UMAD1: variants seen among roughly 807,000 people sequenced by gnomAD.
UMAD1 encodes the protein UBAP1-MVB12-associated (UMA)-domain containing protein 1.
In UMAD1, 8 loss-of-function variants were observed where a neutral mutation model predicts 6.1. The ratio of observed to expected loss-of-function variants is 1.30; its 90% CI spans 0.76 to 2.35. The LOEUF is 2.35. Ranked by LOEUF, UMAD1 falls within the 30% of genes most tolerant of loss-of-function variation. The pLI is 0.00. For missense variants in UMAD1, 130 were observed against 78.4 expected (o/e 1.66, Z -2.49); for synonymous variants, 56 against 31.4 (o/e 1.78, Z -2.61).
At chr7:7,653,557 C>T (rs977559568) in intron 1 of UMAD1, among the ~76,000 whole-genome samples, 4 of 152,212 alleles carry the variant, frequency 2.6e-5, no homozygotes, top group African/African-American at 9.6e-5. Context: ...GCATCACGCA[C>T]TAGGTGATCA....
chr7:7,704,062 A>T (rs941987763), intron 2 of UMAD1, among the ~76,000 whole-genome samples: 1 of 152,192 alleles, frequency 6.6e-6, no homozygotes, highest in African/African-American at 2.4e-5. Context: ...GGAATCCCAG[A>T]CATCTTCCTT....
intron 2 of UMAD1, chr7:7,676,256 C>T (rs1053683461): frequency 2.3e-5 from 9 of 398,164 alleles, no homozygotes; most frequent in Non-Finnish European, 3.5e-5. Context: ...GAAATGAGCA[C>T]GATATCGGTA....
At chr7:7,805,868 A>G (rs567005668) in intron 3 of UMAD1, among the ~76,000 whole-genome samples, 4 of 151,306 alleles carry the variant, frequency 2.6e-5, no homozygotes. Flanking sequence ...ACTCTGTCTT[A>G]TTTTCTCCAT....
intron 2 of UMAD1, among the ~76,000 whole-genome samples, chr7:7,676,833 A>G (rs74367146): frequency 0.018 from 2,736 of 152,288 alleles, 82 homozygotes; most frequent in African/African-American, 0.063. Context: ...AAAGATCTTG[A>G]CAGATTATTA....
At chr7:7,722,097 C>G (rs1781060207) in intron 2 of UMAD1, among the ~76,000 whole-genome samples, 1 of 151,526 alleles carries the variant, frequency 6.6e-6, no homozygotes. Flanking sequence ...TGCAGACGGC[C>G]TATTGTGGGT....
chr7:7,841,945 G>A (rs1466945460), intron 3 of UMAD1, among the ~76,000 whole-genome samples: 1 of 152,028 alleles, frequency 6.6e-6, no homozygotes, highest in Non-Finnish European at 1.5e-5. Context: ...ATCTGATATG[G>A]GATGCCATAC....
intron 2 of UMAD1, among the ~76,000 whole-genome samples, chr7:7,693,126 G>C (rs924258854): frequency 2.6e-5 from 4 of 152,026 alleles, no homozygotes; most frequent in Non-Finnish European, 5.9e-5. Flanking sequence ...GAACCCCAAA[G>C]GTATATATAT....
At chr7:7,759,430 A>G (rs751357109) in intron 2 of UMAD1, among the ~76,000 whole-genome samples, 1 of 152,242 alleles carries the variant, frequency 6.6e-6, no homozygotes, top group African/African-American at 2.4e-5. Flanking sequence ...ACTTGATTCC[A>G]TAAGAGTCCG....
chr7:7,652,503 T>G lies in UMAD1; in HGVS notation c.-64+11682T>G, dbSNP rs28916273. Among the ~76,000 whole-genome samples, 215 of 152,360 alleles carry G rather than the reference T, an allele frequency of 1.4e-3. 2 individuals carry two copies. The highest frequency in any genetic ancestry group is 4.8e-3 in the African/African-American group (199 of 41,584). ...ATTTTTGACTAGACTAGAATGTGAG[T>G]AACATTTTGCATGGTTAATGCATGG... On this transcript the variant is annotated intron_variant, in intron 1 of 3. Coordinates refer to ENST00000682710, the MANE Select transcript of UMAD1 (RefSeq NM_001302348.2).
chr7:7,669,018 A>C (rs984484659), intron 1 of UMAD1, among the ~76,000 whole-genome samples: 4 of 152,088 alleles, frequency 2.6e-5, no homozygotes, highest in Non-Finnish European at 5.9e-5. Flanking sequence ...GAGAAAACCC[A>C]CACAGACGTA....
intron 1 of UMAD1, among the ~76,000 whole-genome samples, chr7:7,665,338 A>G (rs1490334670): frequency 6.6e-6 from 1 of 152,218 alleles, no homozygotes; most frequent in Non-Finnish European, 1.5e-5. Flanking sequence ...TATACCATTA[A>G]AAGTCAATAC....
chr7:7,708,382 T>C (rs908365246), intron 2 of UMAD1, among the ~76,000 whole-genome samples: 1 of 152,212 alleles, frequency 6.6e-6, no homozygotes, highest in Non-Finnish European at 1.5e-5. Flanking sequence ...TGTAGAGAGA[T>C]ATATATTATA....
Position 7,778,965 on chromosome 7 carries a change from T to G in UMAD1, c.83-22705T>G, listed in dbSNP as rs80291630. Among the ~76,000 whole-genome samples the G allele has an allele frequency of 5.7e-3, 871 of 152,338 alleles. 8 individuals are homozygous for G. Among genetic ancestry groups the G allele is most frequent in the African/African-American group, 0.02 (826 of 41,566 alleles). The stretch of plus-strand genomic sequence containing the variant: ...AGCATTTTATATGGATGATCTCATG[T>G]AAACCTCTTATCAGTCTATTATTAT... On this transcript the variant is annotated intron_variant, in intron 2 of 3. Transcript: ENST00000682710.
intron 2 of UMAD1, among the ~76,000 whole-genome samples, chr7:7,756,635 CT>C (rs1781784624): frequency 6.6e-6 from 1 of 152,132 alleles, no homozygotes; most frequent in African/African-American, 2.4e-5. Context: ...TCATGGGTTG[CT>C]TTTTACTAGA....
Position 7,673,312 on chromosome 7 carries a change from GCAGCAGCA to G in UMAD1, c.-59_-52del. ...TTGTGTAATGTTTCTATTTCAGGTA[GCAGCAGCA>G]GCAGCAGCAGCAGCAGCAGCAGCAG... is the stretch of plus-strand genomic sequence containing the variant. On this transcript the variant is annotated 5_prime_UTR_variant, in exon 2 of 4. Coordinates refer to ENST00000682710, the MANE Select transcript of UMAD1 (RefSeq NM_001302348.2). The G allele has an allele frequency of 4.8e-6, 1 of 210,432 alleles. No homozygotes were observed. The highest frequency in any genetic ancestry group is 8.4e-4 in the East Asian group (1 of 1,188). 13.0% of individuals were successfully genotyped at this position (210,432 alleles called of 1,614,324 possible). A position where few individuals can be genotyped will look rare whatever the true frequency, so the allele number is the denominator to read the frequency against.
At chr7:7,812,729 T>A (rs771004509) in intron 3 of UMAD1, among the ~76,000 whole-genome samples, 6 of 152,024 alleles carry the variant, frequency 3.9e-5, no homozygotes, top group Non-Finnish European at 5.9e-5. Context: ...TTTATAGCTT[T>A]AAAAACCACA....
intron 2 of UMAD1, among the ~76,000 whole-genome samples, chr7:7,788,805 T>C (rs905796544): frequency 6.6e-6 from 1 of 152,184 alleles, no homozygotes; most frequent in South Asian, 2.1e-4. Context: ...CTTCTTCCCA[T>C]TCTAGTGACA....
chr7:7,681,504 C>T (rs1230815758), intron 2 of UMAD1, among the ~76,000 whole-genome samples: 5 of 151,962 alleles, frequency 3.3e-5, no homozygotes, highest in African/African-American at 4.8e-5. Context: ...CTAGTGGTGC[C>T]GAATAAGAAT....
At chr7:7,869,764 T>A (rs1385315360) in intron 3 of UMAD1, among the ~76,000 whole-genome samples, 1 of 152,174 alleles carries the variant, frequency 6.6e-6, no homozygotes, top group Non-Finnish European at 1.5e-5. Flanking sequence ...GACTTCATGG[T>A]GGTTACTGGA....
Sources: allele counts gnomAD v4.1 joint callset (sites outside exome capture counted in the v4.1 genomes callset), GRCh38; gene constraint gnomAD v4.1.1; transcripts MANE v1.5; gene names NCBI Gene and HGNC (gene_info 2026-07-23, HGNC 2026-07-21).